Variants in AKAP19 observed in about 807,000 individuals in gnomAD.
The protein encoded by AKAP19 is A-kinase anchoring protein 19.
the AKAP19 span, among the ~76,000 whole-genome samples, chr2:189,950,707 C>T: frequency 6.6e-6 from 1 of 152,156 alleles, no homozygotes; most frequent in Non-Finnish European, 1.5e-5. Context: ...AGTATATTGC[C>T]TATGTATATA....
the AKAP19 span, among the ~76,000 whole-genome samples, chr2:190,154,371 C>A: frequency 6.6e-6 from 1 of 152,110 alleles, no homozygotes; most frequent in Admixed American, 6.5e-5. Flanking sequence ...GTGAATTAAT[C>A]TGTCTTATTT....
chr2:189,969,202 T>C, the AKAP19 span, among the ~76,000 whole-genome samples: 1 of 152,084 alleles, frequency 6.6e-6, no homozygotes, highest in African/African-American at 2.4e-5. Context: ...TAAGAGTAGG[T>C]CCTTTGGGAG....
chr2:190,133,305 A>C, the AKAP19 span, among the ~76,000 whole-genome samples: 1 of 151,902 alleles, frequency 6.6e-6, no homozygotes, highest in African/African-American at 2.4e-5. Flanking sequence ...AAAAACACAT[A>C]TAAATGACCA....
the AKAP19 span, among the ~76,000 whole-genome samples, chr2:190,171,713 T>G: frequency 6.6e-6 from 1 of 152,312 alleles, no homozygotes; most frequent in African/African-American, 2.4e-5. Context: ...TTCCATTAAG[T>G]TTTAAGAGCT....
chr2:190,152,279 G>A, the AKAP19 span, among the ~76,000 whole-genome samples: 1 of 152,046 alleles, frequency 6.6e-6, no homozygotes, highest in Non-Finnish European at 1.5e-5. Flanking sequence ...TCAAATTGTT[G>A]CTCCATTTGG....
the AKAP19 span, among the ~76,000 whole-genome samples, chr2:190,031,273 A>G: frequency 6.6e-6 from 1 of 152,224 alleles, no homozygotes; most frequent in Non-Finnish European, 1.5e-5. Flanking sequence ...AGTATAGAGC[A>G]GTGAGTTTGG....
chr2:190,085,728 A>G, the AKAP19 span, among the ~76,000 whole-genome samples: 1 of 152,222 alleles, frequency 6.6e-6, no homozygotes, highest in African/African-American at 2.4e-5. Context: ...TCAATGGAAA[A>G]TAGGACACTG....
the AKAP19 span, among the ~76,000 whole-genome samples, chr2:190,141,203 A>G: frequency 6.6e-6 from 1 of 152,058 alleles, no homozygotes; most frequent in Non-Finnish European, 1.5e-5. Context: ...TGAGCCTCCC[A>G]AGTCTCTGGG....
chr2:190,002,838 A>T, the AKAP19 span, among the ~76,000 whole-genome samples: 2 of 152,028 alleles, frequency 1.3e-5, no homozygotes, highest in African/African-American at 4.8e-5. Context: ...GTTTTCTGGG[A>T]ATATGTCACT....
the AKAP19 span, among the ~76,000 whole-genome samples, chr2:190,139,445 A>G: frequency 1.3e-5 from 2 of 152,206 alleles, no homozygotes; most frequent in Non-Finnish European, 2.9e-5. Flanking sequence ...CCATTCTCAC[A>G]CTGCTGTGAA....
the AKAP19 span, among the ~76,000 whole-genome samples, chr2:189,942,323 G>T: frequency 2.6e-5 from 4 of 152,200 alleles, no homozygotes; most frequent in East Asian, 7.7e-4. Context: ...CTCTCCCTTT[G>T]CCTTCTGCCA....
chr2:189,924,082 G>C, the AKAP19 span: 2 of 1,569,992 alleles, frequency 1.3e-6, no homozygotes, highest in Non-Finnish European at 8.8e-7. Flanking sequence ...ACTCTGCTGA[G>C]GAGGGGGACC....
the AKAP19 span, among the ~76,000 whole-genome samples, chr2:190,170,695 T>C: frequency 1.3e-5 from 2 of 152,180 alleles, no homozygotes; most frequent in African/African-American, 4.8e-5. Context: ...CTATGAAGCT[T>C]TTTTTTAATG....
the AKAP19 span, among the ~76,000 whole-genome samples, chr2:189,887,042 C>G: frequency 3.3e-5 from 5 of 152,064 alleles, no homozygotes; most frequent in African/African-American, 1.2e-4. Context: ...GCAGAACATG[C>G]AGATTCGTTA....
the AKAP19 span, chr2:189,917,432 T>C: frequency 1.3e-6 from 1 of 782,432 alleles, no homozygotes; most frequent in Non-Finnish European, 2.2e-6. Flanking sequence ...CCATGTCTGT[T>C]TTTTTTCTAG....
chr2:189,885,413 T>A, the AKAP19 span, among the ~76,000 whole-genome samples: 1 of 152,244 alleles, frequency 6.6e-6, no homozygotes, highest in Non-Finnish European at 1.5e-5. Context: ...TAGTTCCCAG[T>A]TGTTACAATC....
At chr2:190,129,280 T>C in the AKAP19 span, among the ~76,000 whole-genome samples, 2 of 152,328 alleles carry the variant, frequency 1.3e-5, no homozygotes, top group African/African-American at 4.8e-5. Flanking sequence ...AAAGTTATGC[T>C]GGAAGATTTC....
chr2:190,005,671 G>A, the AKAP19 span, among the ~76,000 whole-genome samples: 19 of 152,130 alleles, frequency 1.2e-4, no homozygotes, highest in Non-Finnish European at 2.6e-4. Context: ...TTGGTCTCAT[G>A]GTTTTTCTTT....
At chr2:190,003,257 T>C in the AKAP19 span, among the ~76,000 whole-genome samples, 7,349 of 152,150 alleles carry the variant, frequency 0.048, 205 homozygotes, top group Middle Eastern at 0.075. Context: ...TGACAATTTT[T>C]CATCTCTTAT....
Sources: gnomAD v4.1 joint callset for allele counts (sites outside exome capture counted in the v4.1 genomes callset) on GRCh38, gnomAD v4.1.1 for gene constraint, MANE v1.5 for transcripts, NCBI Gene and HGNC (gene_info 2026-07-23, HGNC 2026-07-21) for gene names.